The following AGBL4 variants were observed in gnomAD, a reference collection of about 807,000 sequenced individuals.
AGBL4 encodes AGBL carboxypeptidase 4, also known as cytosolic carboxypeptidase 6.
A neutral mutation model predicts 66.4 loss-of-function variants in AGBL4; 58 were observed. The observed-to-expected ratio is 0.87, with a 90% CI of 0.71 to 1.09. The LOEUF (loss-of-function observed/expected upper bound fraction) is 1.09. Among genes scored for constraint, AGBL4 ranks in the 50% least tolerant of loss-of-function variants. The probability of loss-of-function intolerance (pLI) is 0.00; values close to 1 mark genes in which losing one functional copy is unlikely to be tolerated. For synonymous variants in AGBL4, 234 were observed against 222.9 expected, an observed-to-expected ratio of 1.05 and a Z score of -0.44; for missense variants, 579 against 631.0, an observed-to-expected ratio of 0.92 and a Z score of 0.88.
intron 3 of AGBL4, among the ~76,000 whole-genome samples, chr1:49,487,096 G>A (rs1167303): frequency 0.065 from 9,857 of 151,968 alleles, 1,031 homozygotes; most frequent in African/African-American, 0.22. Flanking sequence ...CTGGTGTGGG[G>A]TGGGGAAGGT....
intron 3 of AGBL4, among the ~76,000 whole-genome samples, chr1:49,261,262 C>G (rs1188579453): frequency 1.3e-5 from 2 of 151,694 alleles, no homozygotes; most frequent in African/African-American, 2.4e-5. Flanking sequence ...ACAGGGATGC[C>G]CTCTCTCACC....
intron 1 of AGBL4, among the ~76,000 whole-genome samples, chr1:49,875,341 A>G (rs1229990415): frequency 2.0e-5 from 2 of 100,126 alleles, no homozygotes; most frequent in Non-Finnish European, 3.7e-5. Context: ...AGAGTGTGAT[A>G]TTCCCCTTCC....
chr1:49,282,793 G>A (rs538028070), intron 3 of AGBL4, among the ~76,000 whole-genome samples: 66 of 152,262 alleles, frequency 4.3e-4, no homozygotes, highest in African/African-American at 1.4e-3. Flanking sequence ...ACTCCCACCC[G>A]AATATTGCGC....
intron 5 of AGBL4, among the ~76,000 whole-genome samples, chr1:48,983,104 A>G (rs1419271794): frequency 6.6e-6 from 1 of 152,182 alleles, no homozygotes; most frequent in Non-Finnish European, 1.5e-5. Context: ...GTTACTCATC[A>G]AAAATGACAT....
At chr1:49,380,785 T>G (rs1194709926) in intron 3 of AGBL4, among the ~76,000 whole-genome samples, 3 of 152,192 alleles carry the variant, frequency 2.0e-5, no homozygotes, top group Non-Finnish European at 4.4e-5. Context: ...GAAAACTGGC[T>G]AGCCATATGT....
intron 5 of AGBL4, among the ~76,000 whole-genome samples, chr1:48,925,970 G>A (rs1195825547): frequency 1.3e-5 from 2 of 152,134 alleles, no homozygotes; most frequent in East Asian, 3.9e-4. Flanking sequence ...TCATTATGAG[G>A]TAATGGTAGT....
At chr1:48,892,131 C>T (rs879449933) in intron 5 of AGBL4, among the ~76,000 whole-genome samples, 1 of 152,086 alleles carries the variant, frequency 6.6e-6, no homozygotes, top group Non-Finnish European at 1.5e-5. Context: ...ATAATTTTGC[C>T]TCTTCCAGCT....
chr1:49,558,326 G>A (rs568987716), intron 3 of AGBL4, among the ~76,000 whole-genome samples: 1 of 152,152 alleles, frequency 6.6e-6, no homozygotes, highest in South Asian at 2.1e-4. Flanking sequence ...TGGATTTTGG[G>A]ATCCCTGATT....
chr1:49,156,259 C>G (rs764563904), intron 4 of AGBL4, among the ~76,000 whole-genome samples: 2 of 152,086 alleles, frequency 1.3e-5, no homozygotes, highest in South Asian at 2.1e-4. Flanking sequence ...TCACAATCCC[C>G]GATGCTAACA....
intron 6 of AGBL4, among the ~76,000 whole-genome samples, chr1:48,819,589 C>A (rs1646265384): frequency 6.6e-6 from 1 of 152,132 alleles, no homozygotes; most frequent in African/African-American, 2.4e-5. Context: ...GGGACTACAG[C>A]AGTAGTTCTG....
chr1:49,803,900 A>G (rs1246672139), intron 2 of AGBL4, among the ~76,000 whole-genome samples: 1 of 152,174 alleles, frequency 6.6e-6, no homozygotes, highest in Non-Finnish European at 1.5e-5. Flanking sequence ...GTTTCTTTGA[A>G]ATACAAAAGA....
intron 3 of AGBL4, among the ~76,000 whole-genome samples, chr1:49,622,869 C>T (rs1212800677): frequency 6.6e-6 from 1 of 151,936 alleles, no homozygotes; most frequent in Non-Finnish European, 1.5e-5. Context: ...AATTCCATTC[C>T]TCTTTTCATC....
intron 2 of AGBL4, among the ~76,000 whole-genome samples, chr1:49,796,993 A>G (rs144914123): frequency 5.2e-4 from 79 of 152,266 alleles, no homozygotes; most frequent in African/African-American, 1.9e-3. Flanking sequence ...TTGCTATAAT[A>G]AAATATCTAA....
intron 4 of AGBL4, among the ~76,000 whole-genome samples, chr1:49,136,742 A>G (rs1219333956): frequency 6.6e-6 from 1 of 152,158 alleles, no homozygotes; most frequent in Non-Finnish European, 1.5e-5. Context: ...TTTTTAATGA[A>G]AAAACATAAA....
chr1:49,423,933 G>A (rs1300480141), intron 3 of AGBL4, among the ~76,000 whole-genome samples: 5 of 151,820 alleles, frequency 3.3e-5, no homozygotes, highest in African/African-American at 1.2e-4. Context: ...AATCCCTAAT[G>A]TCAATGAGAA....
At chr1:49,341,617 C>A (rs2148505667) in intron 3 of AGBL4, among the ~76,000 whole-genome samples, 1 of 152,288 alleles carries the variant, frequency 6.6e-6, no homozygotes, top group Non-Finnish European at 1.5e-5. Flanking sequence ...CGGCTATTCT[C>A]TTTGGATTAA....
At chr1:49,241,909 T>C (rs1651271002) in intron 4 of AGBL4, among the ~76,000 whole-genome samples, 1 of 151,980 alleles carries the variant, frequency 6.6e-6, no homozygotes, top group African/African-American at 2.4e-5. Flanking sequence ...AACAGGATAA[T>C]GAAAGAGGTA....
chr1:49,762,978 C>T (rs1298603054), intron 2 of AGBL4, among the ~76,000 whole-genome samples: 1 of 152,160 alleles, frequency 6.6e-6, no homozygotes, highest in South Asian at 2.1e-4. Flanking sequence ...TAAAGTATTT[C>T]TCCTGTTTTC....
At chr1:49,043,951 C>T (rs1300650071) in intron 5 of AGBL4, among the ~76,000 whole-genome samples, 1 of 152,164 alleles carries the variant, frequency 6.6e-6, no homozygotes, top group African/African-American at 2.4e-5. Context: ...ACTAGCAACA[C>T]ATATCAGAAC....
Sources: gnomAD v4.1 joint callset for allele counts (sites outside exome capture counted in the v4.1 genomes callset) on GRCh38, gnomAD v4.1.1 for gene constraint, MANE v1.5 for transcripts, NCBI Gene and HGNC (gene_info 2026-07-23, HGNC 2026-07-21) for gene names.